RAD51B: variants seen among roughly 807,000 people sequenced by gnomAD.
RAD51B encodes the protein DNA repair protein RAD51 homolog 2.
A neutral mutation model predicts 42.2 loss-of-function variants in RAD51B; 38 were observed. The observed-to-expected ratio is 0.90, with a 90% CI of 0.70 to 1.18. The LOEUF (loss-of-function observed/expected upper bound fraction) is 1.18, where lower values mean the gene tolerates loss of function less well. Among genes scored for constraint, RAD51B ranks in the 50% most tolerant of loss-of-function variants. The pLI, the probability that RAD51B is intolerant of heterozygous loss-of-function variation, is 0.00. For synonymous variants in RAD51B, 154 were observed against 145.2 expected (o/e 1.06, Z -0.43); for missense variants, 373 against 400.7 (o/e 0.93, Z 0.59).
intron 7 of RAD51B, among the ~76,000 whole-genome samples, chr14:68,233,101 G>C (rs2080179187): frequency 6.6e-6 from 1 of 152,006 alleles, no homozygotes; most frequent in Admixed American, 6.5e-5. Context: ...GGAGACTTGG[G>C]TATGTTCATT....
intron 10 of RAD51B, chr14:68,650,706 A>T: frequency 1.4e-6 from 1 of 692,528 alleles, no homozygotes; most frequent in South Asian, 1.5e-5. Context: ...TCACCCTTTA[A>T]GAAAGCCTGG....
chr14:68,259,292 G>C (rs980303193), intron 7 of RAD51B, among the ~76,000 whole-genome samples: 5 of 149,290 alleles, frequency 3.3e-5, no homozygotes, highest in Non-Finnish European at 5.9e-5. Context: ...CACACACCGG[G>C]GACTGTTGTG....
Position 68,088,646 on chromosome 14 carries a change from G to T in RAD51B, c.756+201442G>T, listed in dbSNP as rs1369217544. On this transcript the variant is annotated intron_variant, in intron 7 of 10. Transcript: ENST00000471583. The stretch of plus-strand genomic sequence containing the variant: ...AGACAGAGAGAGAGAGAGAGACAGA[G>T]AGAGAGAGGTGGGGGGGAGATTGAG... Among the ~76,000 whole-genome samples the T allele has an allele frequency of 7.1e-5, 10 of 141,620 alleles. No individual in the cohort carries two copies. The East Asian group carries it at 1.6e-3, about 23-fold the overall frequency. 92.9% of individuals were successfully genotyped at this position (141,620 alleles called of 152,430 possible). A position where few individuals can be genotyped will look rare whatever the true frequency, so the allele number is the denominator to read the frequency against.
At chr14:68,039,255 C>G (rs1214946745) in intron 7 of RAD51B, among the ~76,000 whole-genome samples, 1 of 151,678 alleles carries the variant, frequency 6.6e-6, no homozygotes, top group Non-Finnish European at 1.5e-5. Flanking sequence ...ATGGTGAAAC[C>G]CCATCTGTAC....
intron 7 of RAD51B, among the ~76,000 whole-genome samples, chr14:68,231,461 A>T (rs985724641): frequency 1.3e-5 from 2 of 151,890 alleles, no homozygotes; most frequent in African/African-American, 4.8e-5. Flanking sequence ...CTAAACCATC[A>T]TTCTAGTCCT....
intron 7 of RAD51B, among the ~76,000 whole-genome samples, chr14:67,951,242 G>C (rs955294276): frequency 2.6e-5 from 4 of 152,104 alleles, no homozygotes; most frequent in African/African-American, 9.7e-5. Context: ...TACGTAGTTG[G>C]TGCCTGTAGT....
rs2076745199 is a variant in RAD51B at position 68,071,878 on chromosome 14, A to G, written c.756+184674A>G. 4.6e-5 allele frequency among the ~76,000 whole-genome samples: 7 copies of G among 150,966 alleles called. No individual in the cohort carries two copies. In the South Asian group the frequency reaches 1.3e-3, roughly 27 times the overall value. The stretch of plus-strand genomic sequence containing the variant: ...TCTGGTAGGATTCTGCTGTGAATCT[A>G]CCTGGTCCAGGGCTTTTTCTGGTTG... On this transcript the variant is annotated intron_variant, in intron 7 of 10. Coordinates refer to ENST00000471583, the MANE Select transcript of RAD51B (RefSeq NM_133510.4).
chr14:68,651,261 C>G (rs984394935), intron 11 of RAD51B, among the ~76,000 whole-genome samples: 1 of 152,150 alleles, frequency 6.6e-6, no homozygotes, highest in Non-Finnish European at 1.5e-5. Context: ...AACCTCCACT[C>G]CCCCAGGCTC....
At chr14:67,924,057 C>T (rs1356121640) in intron 7 of RAD51B, among the ~76,000 whole-genome samples, 1 of 152,062 alleles carries the variant, frequency 6.6e-6, no homozygotes, top group East Asian at 1.9e-4. Flanking sequence ...GTCTTTAGCC[C>T]ACTTTTTTGA....
intron 7 of RAD51B, among the ~76,000 whole-genome samples, chr14:67,975,012 T>C (rs2074965466): frequency 1.3e-5 from 2 of 152,196 alleles, no homozygotes; most frequent in African/African-American, 4.8e-5. Context: ...AGAGTTGATA[T>C]CTGCTTTGCT....
intron 8 of RAD51B, among the ~76,000 whole-genome samples, chr14:68,307,999 T>G (rs2081900961): frequency 6.6e-6 from 1 of 152,186 alleles, no homozygotes. Flanking sequence ...CTGTAAATGA[T>G]GCAGTGATTT....
intron 7 of RAD51B, among the ~76,000 whole-genome samples, chr14:68,186,359 G>T (rs2079157548): frequency 6.6e-6 from 1 of 152,128 alleles, no homozygotes. Context: ...AAAATTGACA[G>T]ATGGGACCTA....
rs192692912 is a variant in RAD51B, at chr14:68,167,118, G to A, written c.757-124766G>A. ...TACTGTCTCATTTTAAAAATATTTA[G>A]TGGTTTCTTGTGTGCTATAAGACAA... On this transcript the variant is annotated intron_variant, in intron 7 of 10. Transcript: ENST00000471583. Among the ~76,000 whole-genome samples, 534 of 152,140 alleles carry A rather than the reference G, an allele frequency of 3.5e-3. 5 individuals carry two copies. The highest frequency in any genetic ancestry group is 0.012 in the African/African-American group (504 of 41,514).
At chr14:68,624,933 T>C (rs1032582000) in intron 10 of RAD51B, among the ~76,000 whole-genome samples, 2 of 152,116 alleles carry the variant, frequency 1.3e-5, no homozygotes, top group African/African-American at 4.8e-5. Flanking sequence ...GTGCCACACA[T>C]GGAGCTAAGG....
intron 5 of RAD51B, among the ~76,000 whole-genome samples, chr14:67,865,436 C>A (rs2042306403): frequency 6.6e-6 from 1 of 151,538 alleles, no homozygotes; most frequent in African/African-American, 2.4e-5. Context: ...AGGGTTTCAC[C>A]ATGTTGGCCA....
intron 10 of RAD51B, among the ~76,000 whole-genome samples, chr14:68,494,403 C>G (rs1012201988): frequency 5.3e-5 from 8 of 152,114 alleles, no homozygotes; most frequent in Non-Finnish European, 8.8e-5. Flanking sequence ...GCAGCCTCAT[C>G]CAGAAAATGC....
At chr14:68,327,370 T>TTG (rs770911561) in intron 8 of RAD51B, among the ~76,000 whole-genome samples, 2 of 61,240 alleles carry the variant, frequency 3.3e-5, no homozygotes, top group African/African-American at 7.4e-5. Flanking sequence ...CTTCAGTTTG[T>TTG]TTTTTTTTGT....
intron 7 of RAD51B, among the ~76,000 whole-genome samples, chr14:68,201,277 C>T (rs1423123639): frequency 6.6e-6 from 1 of 152,088 alleles, no homozygotes. Flanking sequence ...TTCTTGGTTA[C>T]AATTTTTAGC....
At chr14:68,231,245 T>A (rs2080143539) in intron 7 of RAD51B, among the ~76,000 whole-genome samples, 1 of 152,222 alleles carries the variant, frequency 6.6e-6, no homozygotes, top group Non-Finnish European at 1.5e-5. Context: ...GATGACCAGC[T>A]GGTTGCCACC....
Sources: gnomAD v4.1 joint callset for allele counts (sites outside exome capture counted in the v4.1 genomes callset) on GRCh38, gnomAD v4.1.1 for gene constraint, MANE v1.5 for transcripts, NCBI Gene and HGNC (gene_info 2026-07-23, HGNC 2026-07-21) for gene names.